The following PDE8A variants were observed in gnomAD, a reference collection of about 807,000 sequenced individuals.
PDE8A encodes phosphodiesterase 8A.
Under a neutral mutation model 105.0 loss-of-function variants are expected in PDE8A, and 59 were observed. The observed-to-expected ratio is 0.56, with a 90% confidence interval of 0.46 to 0.70. The LOEUF (loss-of-function observed/expected upper bound fraction) is 0.70, where lower values mean the gene tolerates loss of function less well. Ranked by LOEUF, PDE8A falls within the 30% of genes least tolerant of loss-of-function variation. The pLI, the probability that PDE8A is intolerant of heterozygous loss-of-function variation, is 0.00. For synonymous variants in PDE8A, 355 were observed against 371.9 expected, an observed-to-expected ratio of 0.95 and a Z score of 0.52; for missense variants, 1,014 against 1,045.9, an observed-to-expected ratio of 0.97 and a Z score of 0.42.
At chr15:85,083,954 A>G (rs931928434) in intron 6 of PDE8A, among the ~76,000 whole-genome samples, 1 of 152,060 alleles carries the variant, frequency 6.6e-6, no homozygotes, top group African/African-American at 2.4e-5. Flanking sequence ...CGGTTTTAAT[A>G]TACACCCCCC....
chr15:85,048,009 A>G (rs898673178), intron 1 of PDE8A, among the ~76,000 whole-genome samples: 2 of 152,206 alleles, frequency 1.3e-5, no homozygotes, highest in African/African-American at 4.8e-5. Flanking sequence ...TTTTGTGACA[A>G]AAAGGTTTTA....
intron 8 of PDE8A, among the ~76,000 whole-genome samples, chr15:85,095,014 A>G (rs2081718999): frequency 6.6e-6 from 1 of 152,168 alleles, no homozygotes; most frequent in Non-Finnish European, 1.5e-5. Context: ...ACAGTTTATC[A>G]TGTGCACACA....
At chr15:85,096,124 C>T (rs2081746918) in intron 8 of PDE8A, among the ~76,000 whole-genome samples, 1 of 152,072 alleles carries the variant, frequency 6.6e-6, no homozygotes, top group Non-Finnish European at 1.5e-5. Flanking sequence ...ATCCACTCGC[C>T]TCAGCCTCCC....
At chr15:85,092,276 G>A (rs767951741) in intron 8 of PDE8A, among the ~76,000 whole-genome samples, 5 of 152,022 alleles carry the variant, frequency 3.3e-5, no homozygotes, top group Non-Finnish European at 7.4e-5. Flanking sequence ...ACAAAAGTAG[G>A]CACTGCTCTA....
chr15:85,066,583 A>AACACACAC lies in PDE8A; in HGVS notation c.244-379_244-372dup, dbSNP rs57124766. Among the ~76,000 whole-genome samples the AACACACAC allele has an allele frequency of 4.0e-3, 466 of 116,920 alleles. 3 individuals are homozygous for AACACACAC. The highest frequency in any genetic ancestry group is 0.013 in the Middle Eastern group (3 of 236). The allele number at this position is 116,920 out of a possible 152,430, so 76.7% of individuals were successfully genotyped here. On this transcript the variant is annotated intron_variant, in intron 2 of 21. Transcript: ENST00000394553. Reference sequence around the variant, plus strand: ...TGTTGCCCACCCACCATCCCCCCAAAACACACACACACACACACACACACA... The same window carrying AACACACAC: ...TGTTGCCCACCCACCATCCCCCCAAAACACACACACACACACACACACACACACACACA...
chr15:85,097,784 A>G, intron 8 of PDE8A, 164 bp from the exon 9 acceptor site: 1 of 589,108 alleles, frequency 1.7e-6, no homozygotes. Context: ...TGGACTTTGG[A>G]AGTTAAGAAA....
chr15:85,107,627 T>C (rs1030785509), intron 11 of PDE8A, among the ~76,000 whole-genome samples: 1 of 152,110 alleles, frequency 6.6e-6, no homozygotes, highest in Non-Finnish European at 1.5e-5. Context: ...ATGACTTCTG[T>C]CTACCTTATG....
chr15:85,012,556 G>T (rs1195192283), intron 1 of PDE8A, among the ~76,000 whole-genome samples: 2 of 145,856 alleles, frequency 1.4e-5, no homozygotes, highest in Non-Finnish European at 3.0e-5. Context: ...TGTGGGTTGG[G>T]GGGAGGGGGG....
chr15:85,123,040 C>T, intron 18 of PDE8A, 21 bp from the exon 19 acceptor site: 2 of 1,612,576 alleles, frequency 1.2e-6, no homozygotes, highest in African/African-American at 1.3e-5. Context: ...GTAGCAGCCT[C>T]TAATTTGTCA....
chr15:85,091,299 T>G (rs2081639616), intron 8 of PDE8A, 118 bp downstream of exon 8: 1 of 868,806 alleles, frequency 1.2e-6, no homozygotes, highest in Non-Finnish European at 1.7e-6. Context: ...CCCAGGGAAG[T>G]ATAGGGAATG....
intron 6 of PDE8A, among the ~76,000 whole-genome samples, chr15:85,087,640 G>T (rs144852612): frequency 9.9e-5 from 15 of 152,214 alleles, no homozygotes; most frequent in African/African-American, 3.6e-4. Context: ...AAACCTGGAA[G>T]CAACCTAAAT....
At chr15:84,992,152 G>T (rs866514157) in intron 1 of PDE8A, among the ~76,000 whole-genome samples, 1 of 152,200 alleles carries the variant, frequency 6.6e-6, no homozygotes, top group South Asian at 2.1e-4. Flanking sequence ...AACAGGCCCT[G>T]CTCTCAGGGA....
chr15:85,137,417 C>T (rs75911855), intron 21 of PDE8A, among the ~76,000 whole-genome samples: 1,882 of 147,900 alleles, frequency 0.013, 24 homozygotes, highest in Middle Eastern at 0.035. Context: ...GTGAAGCATG[C>T]GTGAAGGGAC....
chr15:85,066,853 C>A (rs947699851), intron 2 of PDE8A, among the ~76,000 whole-genome samples, 161 bp from the exon 3 acceptor site: 2 of 151,978 alleles, frequency 1.3e-5, no homozygotes, highest in African/African-American at 2.4e-5. Flanking sequence ...GTGGGAGAAT[C>A]ACTTGAACCT....
intron 1 of PDE8A, among the ~76,000 whole-genome samples, chr15:85,034,351 G>C (rs2141379347): frequency 6.6e-6 from 1 of 152,308 alleles, no homozygotes; most frequent in Non-Finnish European, 1.5e-5. Context: ...TCCACCAAGA[G>C]ATAACTGGAA....
At chr15:85,137,281 A>T (rs184815275) in intron 21 of PDE8A, among the ~76,000 whole-genome samples, 38 of 152,268 alleles carry the variant, frequency 2.5e-4, no homozygotes, top group African/African-American at 8.7e-4. Context: ...GTGGAGCTAG[A>T]TAGCTGCAGC....
intron 1 of PDE8A, among the ~76,000 whole-genome samples, chr15:85,042,629 C>T (rs2080828128): frequency 6.6e-6 from 1 of 152,192 alleles, no homozygotes; most frequent in African/African-American, 2.4e-5. Flanking sequence ...ACAGAGATAG[C>T]ATGTTTAGCT....
intron 1 of PDE8A, among the ~76,000 whole-genome samples, chr15:85,007,897 A>T (rs1041941924): frequency 6.6e-6 from 1 of 152,180 alleles, no homozygotes; most frequent in East Asian, 1.9e-4. Context: ...GTATGGCCAT[A>T]CAGTGGTGCC....
chr15:85,066,463 T>C (rs2081226439), intron 2 of PDE8A, among the ~76,000 whole-genome samples: 1 of 151,824 alleles, frequency 6.6e-6, no homozygotes, highest in African/African-American at 2.4e-5. Flanking sequence ...CACTGGGGGC[T>C]CTGAGGTACA....
Sources: allele counts gnomAD v4.1 joint callset (sites outside exome capture counted in the v4.1 genomes callset), GRCh38; gene constraint gnomAD v4.1.1; transcripts MANE v1.5; gene names NCBI Gene and HGNC (gene_info 2026-07-23, HGNC 2026-07-21).